Variants in CDK13 observed in about 807,000 individuals in gnomAD.
The protein encoded by CDK13 is cyclin-dependent kinase 13.
CDK13 carries 40 observed loss-of-function variants against 137.6 expected under a neutral mutation model. That is an observed-to-expected ratio of 0.29 (90% CI 0.23 to 0.38). The LOEUF (loss-of-function observed/expected upper bound fraction) is 0.38. Ranked by LOEUF, CDK13 falls within the 10% of genes least tolerant of loss-of-function variation. The pLI, the probability that CDK13 is intolerant of heterozygous loss-of-function variation, is 1.00. For missense variants in CDK13, 1,704 were observed against 1,951.8 expected (o/e 0.87, Z 2.39); for synonymous variants, 869 against 760.1 (o/e 1.14, Z -2.36).
intron 11 of CDK13, among the ~76,000 whole-genome samples, chr7:40,081,408 C>G (rs1042375108): frequency 1.3e-5 from 2 of 152,076 alleles, no homozygotes; most frequent in Non-Finnish European, 2.9e-5. Flanking sequence ...TGGAAAGCAA[C>G]TATCATAGCA....
At chr7:39,975,516 A>C (rs1784086410) in intron 1 of CDK13, among the ~76,000 whole-genome samples, 1 of 152,204 alleles carries the variant, frequency 6.6e-6, no homozygotes, top group Admixed American at 6.5e-5. Context: ...GAAAAAAGGA[A>C]ATCTCCTATT....
At chr7:40,044,490 T>C (rs1785689668) in intron 5 of CDK13, among the ~76,000 whole-genome samples, 1 of 151,992 alleles carries the variant, frequency 6.6e-6, no homozygotes, top group African/African-American at 2.4e-5. Context: ...GGCTAATTTT[T>C]GTAGTTTTTG....
At chr7:39,953,995 C>T (rs1172011044) in intron 1 of CDK13, among the ~76,000 whole-genome samples, 1 of 152,160 alleles carries the variant, frequency 6.6e-6, no homozygotes, top group Non-Finnish European at 1.5e-5. Context: ...AAGCATGCAG[C>T]CTTACAGAAA....
At chr7:40,017,510 T>C (rs909963587) in intron 5 of CDK13, among the ~76,000 whole-genome samples, 1 of 152,154 alleles carries the variant, frequency 6.6e-6, no homozygotes, top group African/African-American at 2.4e-5. Flanking sequence ...AATACCTTTT[T>C]CCCTATTTGT....
chr7:40,092,871 G>T lies in CDK13; in HGVS notation c.3322G>T (p.Ala1108Ser). 6 of 1,614,092 alleles carry T rather than the reference G, an allele frequency of 3.7e-6. No homozygotes were observed. Among genetic ancestry groups the T allele is most frequent in the South Asian group, 3.3e-5 (3 of 91,084 alleles). Residue 1108 changes from alanine (A) to serine (S), a missense_variant, in exon 13 of 14, where the codon GCT becomes TCT. Physicochemically the swap from Ala to Ser is moderately conservative, Grantham distance 99. Coordinates refer to ENST00000181839, the MANE Select transcript of CDK13 (RefSeq NM_003718.5). ...LLQSKTSVNM[A>S]DFVQVLNIKV... The stretch of plus-strand genomic sequence containing the variant: ...ACAATCTAAAACAAGTGTTAATATG[G>T]CTGATTTTGTCCAAGTGTTGAACAT...
At position 39,997,720 on chromosome 7, in the gene CDK13, C is replaced by G. The variant is rs1242331228; in HGVS notation, c.2042+56C>G. 3 of 1,326,876 alleles carry G rather than the reference C, an allele frequency of 2.3e-6. No homozygotes were observed. The African/African-American group carries it at 4.5e-5, about 20-fold the overall frequency. 82.2% of individuals were successfully genotyped at this position (1,326,876 alleles called of 1,614,324 possible). ...TTGACCAGCAGTGATTCTGGGTCAT[C>G]AGAAGTTCATAAAACACTAAATTAA... On this transcript the variant is annotated intron_variant, in intron 3 of 13. Transcript: ENST00000181839.
Position 39,950,937 on chromosome 7 carries a change from C to A in CDK13, c.296C>A (p.Ala99Glu). Reference protein sequence around the residue: ...VKRLARGKRRAGGRQKRRRGP... With the variant: ...VKRLARGKRREGGRQKRRRGP... ...CGGCTGGCGAGAGGCAAGAGGCGCG[C>A]AGGAGGGCGGCAGAAGCGGCGTCGC... Residue 99 changes from alanine (A) to glutamate (E), a missense_variant, in exon 1 of 14, where the codon GCA (alanine) becomes GAA (glutamate). Transcript: ENST00000181839. 1 of 1,314,004 alleles carries A rather than the reference C, an allele frequency of 7.6e-7. No individual in the cohort carries two copies. The highest frequency in any genetic ancestry group is 2.2e-5 in the South Asian group (1 of 45,394). 81.4% of individuals were successfully genotyped at this position (1,314,004 alleles called of 1,614,324 possible). A position where few individuals can be genotyped will look rare whatever the true frequency, so the allele number is the denominator to read the frequency against.
intron 9 of CDK13, among the ~76,000 whole-genome samples, chr7:40,063,877 T>C (rs981654971): frequency 6.6e-6 from 1 of 152,006 alleles, no homozygotes; most frequent in Non-Finnish European, 1.5e-5. Context: ...AGGCTGGTCT[T>C]GAACTTCCAA....
intron 1 of CDK13, among the ~76,000 whole-genome samples, chr7:39,977,186 C>T (rs910973816): frequency 2.0e-5 from 3 of 152,122 alleles, no homozygotes; most frequent in African/African-American, 4.8e-5. Context: ...GATATTCTCA[C>T]TAGGCCAGTA....
intron 1 of CDK13, among the ~76,000 whole-genome samples, chr7:39,981,195 C>T (rs1275351245): frequency 6.6e-6 from 1 of 152,008 alleles, no homozygotes; most frequent in Non-Finnish European, 1.5e-5. Context: ...GGCGAAACCC[C>T]TATCCCTGCA....
At chr7:40,062,686 T>C (rs1786181567) in intron 7 of CDK13, 140 bp from the exon 8 acceptor site, 1 of 688,526 alleles carries the variant, frequency 1.5e-6, no homozygotes, top group Admixed American at 2.3e-5. Flanking sequence ...TACCTTTGGA[T>C]GTCTGTATTT....
intron 1 of CDK13, among the ~76,000 whole-genome samples, chr7:39,958,688 G>A (rs920369032): frequency 6.6e-6 from 1 of 150,602 alleles, no homozygotes; most frequent in East Asian, 1.9e-4. Flanking sequence ...TAAATTCTTA[G>A]TTTTGTTTTT....
At chr7:39,978,433 A>G (rs202137925) in intron 1 of CDK13, among the ~76,000 whole-genome samples, 1 of 152,270 alleles carries the variant, frequency 6.6e-6, no homozygotes, top group African/African-American at 2.4e-5. Flanking sequence ...GCCAGATTGT[A>G]GTGATTTGAG....
chr7:40,075,147 G>C (rs1029835089), intron 9 of CDK13, among the ~76,000 whole-genome samples: 7 of 152,116 alleles, frequency 4.6e-5, no homozygotes, highest in African/African-American at 1.4e-4. Flanking sequence ...GCACAATATG[G>C]TATTGACACC....
intron 1 of CDK13, among the ~76,000 whole-genome samples, chr7:39,976,319 T>TCTCTCTCTCTCC (rs1554321914): frequency 3.7e-5 from 2 of 54,288 alleles, no homozygotes; most frequent in Non-Finnish European, 9.0e-5. Context: ...TCTCTCTCTC[T>TCTCTCTCTCTCC]CTCTCACACA....
intron 7 of CDK13, 64 bp from the exon 8 acceptor site, chr7:40,062,762 C>A: frequency 8.8e-7 from 1 of 1,135,562 alleles, no homozygotes; most frequent in Non-Finnish European, 1.3e-6. Context: ...AATAATATTT[C>A]CTCAGAGAAT....
Position 40,088,268 on chromosome 7 carries a change from A to G in CDK13, c.3172A>G (p.Thr1058Ala). The G allele has an allele frequency of 6.2e-7, 1 of 1,614,122 alleles. No homozygotes were observed. The highest frequency in any genetic ancestry group is 8.5e-7 in the Non-Finnish European group (1 of 1,180,016). The change falls in exon 12 of 14, where the codon ACA (threonine) becomes GCA (alanine). Residue 1058 changes from threonine to alanine, a missense_variant. Thr to Ala is a moderately conservative substitution (Grantham distance 58). Around this residue, in one of 5 missense-constraint regions of CDK13, gnomAD observed 475 missense variants for 579.3 expected, o/e 0.82. Coordinates refer to ENST00000181839, the MANE Select transcript of CDK13 (RefSeq NM_003718.5). ...GGGCTTGGATGACAGCAGAACCAAC[A>G]CACCCCAGGGTGTGCTGCCATCTTC... Reference protein sequence around the residue: ...SLGLDDSRTNTPQGVLPSSQL... With the variant: ...SLGLDDSRTNAPQGVLPSSQL...
chr7:39,954,441 C>G (rs1787341293), intron 1 of CDK13, among the ~76,000 whole-genome samples: 1 of 152,152 alleles, frequency 6.6e-6, no homozygotes, highest in South Asian at 2.1e-4. Context: ...GAATGGACTG[C>G]TGTGAGTTCC....
intron 5 of CDK13, among the ~76,000 whole-genome samples, chr7:40,015,516 G>C (rs1451838420): frequency 6.6e-6 from 1 of 152,126 alleles, no homozygotes; most frequent in African/African-American, 2.4e-5. Context: ...TAATTATTTA[G>C]TGATATAGTG....
Sources: gnomAD v4.1 joint callset for allele counts (sites outside exome capture counted in the v4.1 genomes callset) on GRCh38, gnomAD v4.1.1 for gene constraint, gnomAD v4.1.1 regional missense constraint, MANE v1.5 for transcripts, NCBI Gene and HGNC (gene_info 2026-07-23, HGNC 2026-07-21) for gene names.